UBXN2B: variants seen among roughly 807,000 people sequenced by gnomAD.
UBXN2B encodes UBX domain protein 2B.
A neutral mutation model predicts 37.5 loss-of-function variants in UBXN2B; 19 were observed. That is an observed-to-expected ratio of 0.51 (90% confidence interval 0.35 to 0.74). The LOEUF is 0.74. Ranked by LOEUF, UBXN2B falls within the 30% of genes least tolerant of loss-of-function variation. UBXN2B has a pLI of 0.01. For missense variants in UBXN2B, 370 were observed against 393.2 expected (o/e 0.94, Z 0.50); for synonymous variants, 145 against 143.8 (o/e 1.01, Z -0.06).
chr8:58,433,200 G>A lies in UBXN2B; in HGVS notation c.380G>A (p.Cys127Tyr), dbSNP rs754113852. 1.9e-6 allele frequency: 3 copies of A among 1,613,046 alleles called. No homozygotes were observed. Among genetic ancestry groups the A allele is most frequent in the Non-Finnish European group, 2.5e-6 (3 of 1,179,450 alleles). Residue 127 changes from cysteine to tyrosine, a missense_variant, in exon 4 of 8, where the codon TGT becomes TAT. Transcript: ENST00000399598. ...GGGYRLGSSF[C>Y]KRSEYIYGEN... is the part of the protein sequence containing the mutation. ...GGATACAGATTGGGTAGTTCTTTTTGTAAGCGGTCTGAATATATCTATGGA... is the reference window on the plus strand; with the variant it reads ...GGATACAGATTGGGTAGTTCTTTTTATAAGCGGTCTGAATATATCTATGGA...
At chr8:58,427,356 G>T (rs1045744022) in intron 2 of UBXN2B, among the ~76,000 whole-genome samples, 1 of 152,126 alleles carries the variant, frequency 6.6e-6, no homozygotes, top group Non-Finnish European at 1.5e-5. Flanking sequence ...CCAACTGCTC[G>T]GGAGGCTGAA....
intron 4 of UBXN2B, 30 bp from the exon 5 acceptor site, chr8:58,434,365 A>AT (rs765393348): frequency 2.0e-4 from 112 of 558,432 alleles, no homozygotes; most frequent in African/African-American, 2.0e-3. Flanking sequence ...ATATATATAT[A>AT]TATATTTTTT....
chr8:58,446,108 T>C (rs768556770), intron 7 of UBXN2B, 40 bp downstream of exon 7: 37 of 1,545,810 alleles, frequency 2.4e-5, no homozygotes, highest in Non-Finnish European at 1.7e-6. Context: ...TGCTGTTATA[T>C]ACACTGGATT....
intron 6 of UBXN2B, among the ~76,000 whole-genome samples, chr8:58,443,283 G>A (rs1320576040): frequency 6.6e-6 from 1 of 152,116 alleles, no homozygotes. Flanking sequence ...CCATAAGTTT[G>A]AAGAAGAGGG....
intron 7 of UBXN2B, among the ~76,000 whole-genome samples, chr8:58,447,143 TCATAA>T (rs1265055466): frequency 6.6e-6 from 1 of 152,242 alleles, no homozygotes; most frequent in Non-Finnish European, 1.5e-5. Context: ...CTTACTTTAT[TCATAA>T]CTTACCTGAA....
At chr8:58,443,122 T>A (rs747341323) in intron 6 of UBXN2B, among the ~76,000 whole-genome samples, 5 of 152,302 alleles carry the variant, frequency 3.3e-5, no homozygotes, top group Middle Eastern at 3.4e-3. Context: ...CTGAGCTGCT[T>A]TCCTAAACCC....
intron 2 of UBXN2B, among the ~76,000 whole-genome samples, chr8:58,421,886 A>G (rs1317263813): frequency 1.3e-5 from 2 of 152,212 alleles, no homozygotes; most frequent in African/African-American, 4.8e-5. Context: ...AATCAATATA[A>G]CAAACAAAGC....
intron 2 of UBXN2B, among the ~76,000 whole-genome samples, chr8:58,422,268 A>G (rs1250809892): frequency 6.6e-6 from 1 of 152,212 alleles, no homozygotes; most frequent in African/African-American, 2.4e-5. Flanking sequence ...GGGCTGATAC[A>G]CATTTTGTTA....
rs1261570913 is a variant in UBXN2B at position 58,451,012 on chromosome 8, G to C, written c.*3461G>C. 6.6e-6 allele frequency: 1 copy of C among 152,260 alleles called. No individual in the cohort carries two copies. Among genetic ancestry groups the C allele is most frequent in the Non-Finnish European group, 1.5e-5 (1 of 67,988 alleles). 9.4% of individuals were successfully genotyped at this position (152,260 alleles called of 1,614,324 possible). A position where few individuals can be genotyped will look rare whatever the true frequency, so the allele number is the denominator to read the frequency against. ...GCCCCATTTCAAAAAGATTACCAGG[G>C]GTAAAACAACTTTTTCATGGGTCAA... On this transcript the variant is annotated 3_prime_UTR_variant, in exon 8 of 8. Transcript: ENST00000399598.
At chr8:58,416,797 T>C in intron 1 of UBXN2B, 53 bp from the exon 2 acceptor site, 2 of 1,501,534 alleles carry the variant, frequency 1.3e-6, no homozygotes, top group South Asian at 2.4e-5. Flanking sequence ...TCTAGTTGTA[T>C]GGAAGAGGTT....
chr8:58,445,934 T>C lies in UBXN2B; in HGVS notation c.699T>C (p.Pro233=). 6.2e-7 allele frequency: 1 copy of C among 1,610,626 alleles called. No individual in the cohort carries two copies. Among genetic ancestry groups the C allele is most frequent in the South Asian group, 1.1e-5 (1 of 90,510 alleles). The change falls in exon 7 of 8, where the codon CCT becomes CCC. Residue 233 remains proline, a synonymous_variant. Coordinates refer to ENST00000399598, the MANE Select transcript of UBXN2B (RefSeq NM_001077619.2). ...GSLTPEIVST[P]SSPEEEDKSI... ...TTACACCTGAAATAGTCAGTACACC[T>C]TCCTCTCCAGAAGAGGAGGATAAAT...
chr8:58,419,120 A>G (rs1458842197), intron 2 of UBXN2B, among the ~76,000 whole-genome samples: 2 of 152,224 alleles, frequency 1.3e-5, no homozygotes, highest in Non-Finnish European at 2.9e-5. Context: ...TTTATCTATC[A>G]AAAGAACTGA....
intron 1 of UBXN2B, among the ~76,000 whole-genome samples, chr8:58,415,775 A>G (rs1214416375): frequency 6.6e-6 from 1 of 152,086 alleles, no homozygotes; most frequent in Non-Finnish European, 1.5e-5. Flanking sequence ...TAGATTACCA[A>G]ACACTTTTAT....
intron 1 of UBXN2B, among the ~76,000 whole-genome samples, chr8:58,414,258 A>G (rs1392934722): frequency 1.3e-5 from 2 of 152,182 alleles, no homozygotes; most frequent in African/African-American, 4.8e-5. Context: ...GCTGGGCCCT[A>G]CCCCAGAGTG....
chr8:58,420,530 T>C (rs1273164553), intron 2 of UBXN2B, among the ~76,000 whole-genome samples: 6 of 152,218 alleles, frequency 3.9e-5, no homozygotes, highest in Admixed American at 2.6e-4. Flanking sequence ...AAATATTAAA[T>C]ATCTTTTAAT....
chr8:58,447,699 A>C lies in UBXN2B; in HGVS notation c.*148A>C, dbSNP rs1312293606. 4.3e-6 allele frequency: 3 copies of C among 700,486 alleles called. No individual in the cohort carries two copies. In the East Asian group the frequency reaches 8.7e-5, roughly 20 times the overall value. 43.4% of individuals were successfully genotyped at this position (700,486 alleles called of 1,614,324 possible). A position where few individuals can be genotyped will look rare whatever the true frequency, so the allele number is the denominator to read the frequency against. On this transcript the variant is annotated 3_prime_UTR_variant, in exon 8 of 8. Coordinates refer to ENST00000399598, the MANE Select transcript of UBXN2B (RefSeq NM_001077619.2). ...TATTGTTATTCTGTCTTCCAATCTG[A>C]ATATAGACAAATTTGGATTAGGAAT...
chr8:58,426,496 C>G (rs573648128), intron 2 of UBXN2B: 32 of 714,666 alleles, frequency 4.5e-5, no homozygotes, highest in Admixed American at 7.0e-5. Flanking sequence ...GTGTGAACCA[C>G]CGTGACCGGC....
At position 58,424,793 on chromosome 8, in the gene UBXN2B, G is replaced by A. The variant is rs552498884; in HGVS notation, c.189-5726G>A. On this transcript the variant is annotated intron_variant, in intron 2 of 7. Coordinates refer to ENST00000399598, the MANE Select transcript of UBXN2B (RefSeq NM_001077619.2). ...CTTTTCTGCTCTTCTTCAATCCTGC[G>A]CTGTAGTGTTTCAGTATAATGCTGG... is the stretch of plus-strand genomic sequence containing the variant. 10 of 1,445,898 alleles carry A rather than the reference G, an allele frequency of 6.9e-6. No homozygotes were observed. The East Asian group carries it at 9.1e-5, about 13-fold the overall frequency. 89.6% of individuals were successfully genotyped at this position (1,445,898 alleles called of 1,614,324 possible).
At chr8:58,425,547 G>A (rs1266938508) in intron 2 of UBXN2B, 3 of 1,074,292 alleles carry the variant, frequency 2.8e-6, no homozygotes, top group African/African-American at 1.6e-5. Context: ...ATCTATTTTT[G>A]TTTTTGTTTT....
Sources: allele counts gnomAD v4.1 joint callset (sites outside exome capture counted in the v4.1 genomes callset), GRCh38; gene constraint gnomAD v4.1.1; transcripts MANE v1.5; gene names NCBI Gene and HGNC (gene_info 2026-07-23, HGNC 2026-07-21).